Variants in RPS17 observed in about 807,000 individuals in gnomAD.
The protein encoded by RPS17 is ribosomal protein S17.
For synonymous variants in RPS17, 75 were observed against 65.6 expected, an observed-to-expected ratio of 1.14 and a Z score of -0.70; for missense variants, 68 against 182.3, an observed-to-expected ratio of 0.37 and a Z score of 3.61.
rs2034290797 is a variant in RPS17 at position 82,539,000 on chromosome 15, C to T, written c.156-15G>A. The T allele has an allele frequency of 6.2e-7, 1 of 1,612,976 alleles. No homozygotes were observed. Among genetic ancestry groups the T allele is most frequent in the Admixed American group, 1.7e-5 (1 of 60,020 alleles). ...GCGTGACATAACTACAAAGCACACA[C>T]AGCCAAAGAGAACAGTGAGAAGACA... On this transcript the variant is annotated splice_polypyrimidine_tract_variant and intron_variant, in intron 2 of 4. Transcript: ENST00000647841.
chr15:82,536,948 A>T (rs1482513871), intron 4 of RPS17, 67 bp from the exon 5 acceptor site: 7 of 1,589,854 alleles, frequency 4.4e-6, no homozygotes, highest in Non-Finnish European at 6.0e-6. Flanking sequence ...CCAGAAGAAA[A>T]CACAGGCCCC....
intron 2 of RPS17, chr15:82,539,671 A>G (rs1196846660): frequency 2.2e-6 from 1 of 454,644 alleles, no homozygotes; most frequent in African/African-American, 2.0e-5. Context: ...CCTGGGCGCC[A>G]GGGCAAGATT....
chr15:82,539,166 C>T (rs2034295196), intron 2 of RPS17, 181 bp from the exon 3 acceptor site: 5 of 721,586 alleles, frequency 6.9e-6, no homozygotes, highest in Admixed American at 4.0e-5. Flanking sequence ...ATTCCTTCCC[C>T]TTGGTTTCTC....
Position 82,539,015 on chromosome 15 carries a change from G to T in RPS17, c.156-30C>A, listed in dbSNP as rs919417. ...AAAGCACACACAGCCAAAGAGAACAGTGAGAAGACAAATCAACTCCCACCT... is the reference window on the plus strand; with the variant it reads ...AAAGCACACACAGCCAAAGAGAACATTGAGAAGACAAATCAACTCCCACCT... On this transcript the variant is annotated intron_variant, in intron 2 of 4. Coordinates refer to ENST00000647841, the MANE Select transcript of RPS17 (RefSeq NM_001021.6). The T allele has an allele frequency of 3.7e-6, 6 of 1,608,204 alleles. No individual in the cohort carries two copies. The African/African-American group carries it at 5.4e-5, about 14-fold the overall frequency.
intron 2 of RPS17, chr15:82,539,317 GA>G: frequency 2.0e-6 from 1 of 503,756 alleles, no homozygotes; most frequent in South Asian, 1.5e-5. Flanking sequence ...TTAATACGTT[GA>G]CTTTGGCACT....
intron 4 of RPS17, 47 bp from the exon 5 acceptor site, chr15:82,536,928 T>A (rs1032127003): frequency 6.2e-7 from 1 of 1,609,182 alleles, no homozygotes; most frequent in South Asian, 1.1e-5. Flanking sequence ...GTGAGATCTG[T>A]GAGTGGACCC....
At chr15:82,538,498 G>A (rs2034279037) in intron 3 of RPS17, 127 bp from the exon 4 acceptor site, 3 of 1,084,440 alleles carry the variant, frequency 2.8e-6, no homozygotes, top group African/African-American at 1.5e-5. Context: ...CCTCTCACAA[G>A]GTGAGCAGTC....
intron 2 of RPS17, chr15:82,539,224 A>G (rs1651957): frequency 6.0e-5 from 38 of 630,188 alleles, no homozygotes; most frequent in Non-Finnish European, 1.0e-4. Context: ...CCCCACCCCC[A>G]ACTCGCCCCG....
chr15:82,538,689 T>C (rs2034283655), intron 3 of RPS17, 191 bp downstream of exon 3: 13 of 696,008 alleles, frequency 1.9e-5, no homozygotes, highest in East Asian at 2.7e-5. Flanking sequence ...AAATATGGAA[T>C]AGACTTAACT....
At chr15:82,539,227 T>TCCC in intron 2 of RPS17, 4 of 606,022 alleles carry the variant, frequency 6.6e-6, no homozygotes, top group Non-Finnish European at 1.2e-5. Context: ...CACCCCCAAC[T>TCCC]CGCCCCGCCC....
At chr15:82,539,550 G>A (rs1428838102) in intron 2 of RPS17, 14 of 437,580 alleles carry the variant, frequency 3.2e-5, no homozygotes, top group Non-Finnish European at 5.5e-5. Flanking sequence ...TTAGCCGAGT[G>A]TGGTAGCACG....
chr15:82,536,776 A>G lies in RPS17; in HGVS notation c.*25T>C. ...AGGCTGTTGTCCCAGATTTATTGAAAATAATACAGCACTACAGAAAAAATT... is the reference window on the plus strand; with the variant it reads ...AGGCTGTTGTCCCAGATTTATTGAAGATAATACAGCACTACAGAAAAAATT... On this transcript the variant is annotated 3_prime_UTR_variant, in exon 5 of 5. Transcript: ENST00000647841. The G allele has an allele frequency of 6.2e-7, 1 of 1,613,728 alleles. No individual in the cohort carries two copies. Among genetic ancestry groups the G allele is most frequent in the Non-Finnish European group, 8.5e-7 (1 of 1,179,656 alleles).
chr15:82,539,760 G>T, intron 2 of RPS17: 1 of 737,822 alleles, frequency 1.4e-6, no homozygotes, highest in Non-Finnish European at 2.4e-6. Flanking sequence ...CAAGAGGTCT[G>T]ACGGTGGCTA....
Position 82,538,474 on chromosome 15 carries a change from A to C in RPS17, c.262-103T>G, listed in dbSNP as rs901674719. ...CTTAAATATGGGGAAGAGGAGCTGCACAAGGATAGCATTCCTCTCACAAGG... is the reference window on the plus strand; with the variant it reads ...CTTAAATATGGGGAAGAGGAGCTGCCCAAGGATAGCATTCCTCTCACAAGG... On this transcript the variant is annotated intron_variant, in intron 3 of 4. Transcript: ENST00000647841. 1.2e-5 allele frequency: 15 copies of C among 1,284,404 alleles called. No individual in the cohort carries two copies. In the African/African-American group the frequency reaches 1.9e-4, roughly 16 times the overall value. The allele number at this position is 1,284,404 out of a possible 1,614,324, so 79.6% of individuals were successfully genotyped here.
chr15:82,538,392 G>A (rs1004741153), intron 3 of RPS17, 21 bp from the exon 4 acceptor site: 1 of 1,611,058 alleles, frequency 6.2e-7, no homozygotes, highest in Non-Finnish European at 8.5e-7. Context: ...ACGAGGTAGG[G>A]TCAAAATACC....
intron 2 of RPS17, 192 bp from the exon 3 acceptor site, chr15:82,539,177 A>C: frequency 1.4e-6 from 1 of 704,064 alleles, no homozygotes; most frequent in South Asian, 1.5e-5. Context: ...TTGGTTTCTC[A>C]CTCTCTATTC....
chr15:82,539,363 A>G lies in RPS17; in HGVS notation c.156-378T>C, dbSNP rs2034300449. 3 of 469,832 alleles carry G rather than the reference A, an allele frequency of 6.4e-6. No homozygotes were observed. In the East Asian group the frequency reaches 2.0e-4, roughly 31 times the overall value. 29.1% of individuals were successfully genotyped at this position (469,832 alleles called of 1,614,324 possible). On this transcript the variant is annotated intron_variant, in intron 2 of 4. Transcript: ENST00000647841. ...GGCCATATGCCTATAAATCTCTCGA[A>G]CAGTAACTGCAACTGTGAAGTAAGC...
intron 1 of RPS17, 134 bp from the exon 2 acceptor site, chr15:82,540,266 G>A (rs1298244050): frequency 4.4e-6 from 7 of 1,600,836 alleles, no homozygotes; most frequent in Non-Finnish European, 6.0e-6. Context: ...AAACAGTGCC[G>A]GGCGCCGGGC....
Position 82,538,875 on chromosome 15 carries a change from T to C in RPS17, c.261+5A>G. ...GCCAGAAGCCCAAATATCCAGAAAG[T>C]TTACCTCAGGAACATAATTGTCTCT... On this transcript the variant is annotated splice_donor_5th_base_variant and intron_variant, in intron 3 of 4. Coordinates refer to ENST00000647841, the MANE Select transcript of RPS17 (RefSeq NM_001021.6). 1 of 1,613,772 alleles carries C rather than the reference T, an allele frequency of 6.2e-7. No homozygotes were observed. Among genetic ancestry groups the C allele is most frequent in the South Asian group, 1.1e-5 (1 of 91,066 alleles).
Sources: gnomAD v4.1 joint callset for allele counts on GRCh38, gnomAD v4.1.1 for gene constraint, MANE v1.5 for transcripts, NCBI Gene and HGNC (gene_info 2026-07-23, HGNC 2026-07-21) for gene names.